Variants in SYT1 observed in about 807,000 individuals in gnomAD.
SYT1 encodes synaptotagmin 1.
SYT1 carries 8 observed loss-of-function variants against 44.8 expected under a neutral mutation model. The observed-to-expected ratio is 0.18, with a 90% CI of 0.10 to 0.32. The LOEUF is 0.32. Ranked by LOEUF, SYT1 falls within the 10% of genes least tolerant of loss-of-function variation. The pLI, the probability that SYT1 is intolerant of heterozygous loss-of-function variation, is 1.00. For synonymous variants in SYT1, 154 were observed against 188.8 expected (o/e 0.82, Z 1.51); for missense variants, 286 against 509.3 (o/e 0.56, Z 4.22).
chr12:79,172,357 A>G (rs947742815), intron 3 of SYT1, among the ~76,000 whole-genome samples: 8 of 152,018 alleles, frequency 5.3e-5, no homozygotes, highest in Non-Finnish European at 1.0e-4. Flanking sequence ...TAATGCTTCA[A>G]TTTTAAGTGG....
chr12:79,217,330 G>T (rs55644603), intron 3 of SYT1, among the ~76,000 whole-genome samples, 173 bp from the exon 4 acceptor site: 1 of 152,142 alleles, frequency 6.6e-6, no homozygotes, highest in African/African-American at 2.4e-5. Flanking sequence ...CTCTTCACTC[G>T]CTGTGGTTCC....
chr12:78,898,752 A>G (rs575309730), intron 1 of SYT1, among the ~76,000 whole-genome samples: 2 of 152,242 alleles, frequency 1.3e-5, no homozygotes, highest in South Asian at 4.1e-4. Context: ...GGCCAATTCA[A>G]GCATAATTTA....
chr12:79,232,141 G>A (rs914875392), intron 4 of SYT1, among the ~76,000 whole-genome samples: 2 of 152,152 alleles, frequency 1.3e-5, no homozygotes, highest in Non-Finnish European at 2.9e-5. Context: ...TGTATATAAA[G>A]TGCTTAAAAC....
At chr12:79,286,428 A>G (rs1369355827) in intron 5 of SYT1, among the ~76,000 whole-genome samples, 1 of 152,166 alleles carries the variant, frequency 6.6e-6, no homozygotes, top group Non-Finnish European at 1.5e-5. Flanking sequence ...CTTTTCCTAC[A>G]TGTCCATCCA....
chr12:79,003,865 T>C (rs1325275080), intron 2 of SYT1, among the ~76,000 whole-genome samples: 1 of 152,000 alleles, frequency 6.6e-6, no homozygotes, highest in Non-Finnish European at 1.5e-5. Flanking sequence ...ATCATCACTG[T>C]CTCTAAAAGG....
intron 9 of SYT1, chr12:79,419,205 C>G: frequency 2.0e-6 from 1 of 497,812 alleles, no homozygotes; most frequent in Non-Finnish European, 4.1e-6. Context: ...ACTCACATTT[C>G]CCATCACACA....
intron 1 of SYT1, among the ~76,000 whole-genome samples, chr12:78,878,466 G>T (rs1475445580): frequency 6.6e-6 from 1 of 151,710 alleles, no homozygotes; most frequent in Non-Finnish European, 1.5e-5. Context: ...TATGAGTAAC[G>T]CAGCACATAA....
At chr12:79,417,561 T>G (rs1211184755) in intron 9 of SYT1, among the ~76,000 whole-genome samples, 1 of 152,130 alleles carries the variant, frequency 6.6e-6, no homozygotes, top group Non-Finnish European at 1.5e-5. Context: ...CTGTTTAAAA[T>G]ATTTAATTGG....
chr12:79,328,451 T>A (rs1456125569), intron 8 of SYT1, among the ~76,000 whole-genome samples: 1 of 152,214 alleles, frequency 6.6e-6, no homozygotes, highest in African/African-American at 2.4e-5. Context: ...ATGTTTTATA[T>A]GCAGTATTTA....
At chr12:79,391,261 G>A (rs1884646844) in intron 9 of SYT1, among the ~76,000 whole-genome samples, 1 of 152,042 alleles carries the variant, frequency 6.6e-6, no homozygotes, top group African/African-American at 2.4e-5. Context: ...TCTGAAATAG[G>A]GTGTATCTGA....
intron 4 of SYT1, among the ~76,000 whole-genome samples, chr12:79,267,321 G>C (rs555758919): frequency 6.6e-6 from 1 of 152,182 alleles, no homozygotes; most frequent in South Asian, 2.1e-4. Context: ...TATCAACAGG[G>C]GCCATGTTCA....
At chr12:79,150,503 G>A (rs757791095) in intron 3 of SYT1, among the ~76,000 whole-genome samples, 1 of 152,130 alleles carries the variant, frequency 6.6e-6, no homozygotes, top group African/African-American at 2.4e-5. Context: ...TAGACAGGAG[G>A]AATAAGTTTT....
At position 79,181,509 on chromosome 12, in the gene SYT1, T is replaced by C. The variant is rs188234021; in HGVS notation, c.-17-35994T>C. Among the ~76,000 whole-genome samples, 87 of 152,036 alleles carry C rather than the reference T, an allele frequency of 5.7e-4. No homozygotes were observed. In the Middle Eastern group the frequency reaches 0.01, roughly 18 times the overall value. ...TACTCAAAATACAATCTTCTCTCCC[T>C]TTTTTTTCTTCCAGGGCCCCCACTC... On this transcript the variant is annotated intron_variant, in intron 3 of 10. Coordinates refer to ENST00000261205, the MANE Select transcript of SYT1 (RefSeq NM_005639.3).
Position 79,450,427 on chromosome 12 carries a change from C to T in SYT1, c.*1303C>T, listed in dbSNP as rs1488183686. On this transcript the variant is annotated 3_prime_UTR_variant, in exon 11 of 11. Transcript: ENST00000261205. ...AAAAAAAGGTGAAACAAACCAAGAA[C>T]AAGTTCTAGAAAACTGAAGCAACCT... 6.6e-6 allele frequency: 1 copy of T among 152,502 alleles called. No individual in the cohort carries two copies. Among genetic ancestry groups the T allele is most frequent in the Non-Finnish European group, 1.5e-5 (1 of 68,018 alleles). The allele number at this position is 152,502 out of a possible 1,614,324, so 9.4% of individuals were successfully genotyped here.
At chr12:78,976,532 G>A (rs1240925601) in intron 1 of SYT1, 1 of 152,098 alleles carries the variant, frequency 6.6e-6, no homozygotes, top group Non-Finnish European at 1.5e-5. Context: ...TAACTGCAGG[G>A]GAAATGTAAA....
chr12:79,351,500 C>G (rs186710032), intron 8 of SYT1, among the ~76,000 whole-genome samples: 1 of 150,546 alleles, frequency 6.6e-6, no homozygotes, highest in African/African-American at 2.4e-5. Context: ...ATCAGTTCCC[C>G]AAGGAGGCTA....
intron 1 of SYT1, among the ~76,000 whole-genome samples, chr12:78,935,394 G>A (rs2137228131): frequency 6.6e-6 from 1 of 152,224 alleles, no homozygotes; most frequent in African/African-American, 2.4e-5. Flanking sequence ...TACAATATAG[G>A]CATGGTTCAT....
chr12:79,203,392 C>G (rs1873912209), intron 3 of SYT1, among the ~76,000 whole-genome samples: 3 of 152,148 alleles, frequency 2.0e-5, no homozygotes, highest in African/African-American at 7.2e-5. Flanking sequence ...AAACACATCA[C>G]CACCCAGCAA....
At chr12:79,063,697 G>T (rs986903710) in intron 3 of SYT1, among the ~76,000 whole-genome samples, 2 of 152,084 alleles carry the variant, frequency 1.3e-5, no homozygotes, top group Non-Finnish European at 2.9e-5. Flanking sequence ...ATAATTTAGG[G>T]CTCTGAAATG....
Sources: gnomAD v4.1 joint callset for allele counts (sites outside exome capture counted in the v4.1 genomes callset) on GRCh38, gnomAD v4.1.1 for gene constraint, MANE v1.5 for transcripts, NCBI Gene and HGNC (gene_info 2026-07-23, HGNC 2026-07-21) for gene names.